Variants in DNER observed in about 807,000 individuals in gnomAD.
DNER encodes delta/notch like EGF repeat containing.
DNER carries 33 observed loss-of-function variants against 78.2 expected under a neutral mutation model. The observed-to-expected ratio is 0.42, with a 90% confidence interval of 0.32 to 0.56. The LOEUF is 0.56. Among genes scored for constraint, DNER ranks in the 20% least tolerant of loss-of-function variants. DNER has a pLI of 0.11. For missense variants in DNER, 918 were observed against 975.3 expected, an observed-to-expected ratio of 0.94 and a Z score of 0.78; for synonymous variants, 417 against 384.8, an observed-to-expected ratio of 1.08 and a Z score of -0.98.
intron 1 of DNER, among the ~76,000 whole-genome samples, chr2:229,628,764 C>G (rs1421556234): frequency 6.6e-6 from 1 of 152,084 alleles, no homozygotes. Flanking sequence ...GTCAACAGCT[C>G]GTAATCTTAC....
At chr2:229,696,530 T>A (rs1327344488) in intron 1 of DNER, among the ~76,000 whole-genome samples, 1 of 152,218 alleles carries the variant, frequency 6.6e-6, no homozygotes, top group African/African-American at 2.4e-5. Flanking sequence ...TAGGGCCACT[T>A]ATTCCCAGTG....
chr2:229,454,901 C>T (rs1260108743), intron 7 of DNER, among the ~76,000 whole-genome samples: 1 of 151,000 alleles, frequency 6.6e-6, no homozygotes, highest in Non-Finnish European at 1.5e-5. Context: ...ATATAAAATG[C>T]TCTTCTGTTA....
intron 7 of DNER, among the ~76,000 whole-genome samples, chr2:229,463,187 C>T (rs969510995): frequency 3.9e-5 from 6 of 152,052 alleles, no homozygotes; most frequent in Admixed American, 1.3e-4. Flanking sequence ...CCTTGGCATC[C>T]AGCACAGTGT....
At chr2:229,575,104 C>T (rs1277050216) in intron 4 of DNER, among the ~76,000 whole-genome samples, 1 of 151,958 alleles carries the variant, frequency 6.6e-6, no homozygotes, top group Non-Finnish European at 1.5e-5. Context: ...ATAAAAATAA[C>T]TTATTATGTA....
At chr2:229,447,623 T>A in intron 7 of DNER, 83 bp from the exon 8 acceptor site, 1 of 1,357,948 alleles carries the variant, frequency 7.4e-7, no homozygotes, top group Non-Finnish European at 1.0e-6. Context: ...CTCCACTGTA[T>A]ATGCATAACA....
intron 3 of DNER, chr2:229,586,890 G>A (rs1000852234): frequency 1.5e-5 from 15 of 985,420 alleles, no homozygotes; most frequent in Non-Finnish European, 7.2e-6. Context: ...CAGGGGCTCA[G>A]TAAAGCTTTG....
At chr2:229,617,960 C>T (rs559374670) in intron 1 of DNER, among the ~76,000 whole-genome samples, 2 of 152,170 alleles carry the variant, frequency 1.3e-5, no homozygotes, top group East Asian at 3.9e-4. Flanking sequence ...TGAACACTGT[C>T]TCAAAAAACA....
chr2:229,589,849 G>A (rs1697567955), intron 2 of DNER, among the ~76,000 whole-genome samples: 2 of 151,188 alleles, frequency 1.3e-5, no homozygotes, highest in African/African-American at 2.4e-5. Flanking sequence ...CAGTTTTTTA[G>A]GTAAGCTAAA....
chr2:229,690,436 G>A lies in DNER; in HGVS notation c.276+23712C>T, dbSNP rs1046900186. Among the ~76,000 whole-genome samples, 15 of 152,296 alleles carry A rather than the reference G, an allele frequency of 9.8e-5. No individual in the cohort carries two copies. In the South Asian group the frequency reaches 1.9e-3, roughly 19 times the overall value. On this transcript the variant is annotated intron_variant, in intron 1 of 12. Transcript: ENST00000341772. ...TTGAGCATGTTTTCCCGTCTAGTTAGTAACAACAGTGCACAGAGAAAACAT... is the reference window on the plus strand; with the variant it reads ...TTGAGCATGTTTTCCCGTCTAGTTAATAACAACAGTGCACAGAGAAAACAT...
At chr2:229,479,647 A>G (rs2154211396) in intron 6 of DNER, among the ~76,000 whole-genome samples, 1 of 149,012 alleles carries the variant, frequency 6.7e-6, no homozygotes, top group South Asian at 2.1e-4. Context: ...GAGGAGGTAG[A>G]GGTTACAGCG....
At chr2:229,552,025 G>A (rs1324519385) in intron 4 of DNER, among the ~76,000 whole-genome samples, 12 of 152,144 alleles carry the variant, frequency 7.9e-5, no homozygotes, top group Non-Finnish European at 1.5e-4. Context: ...TAATATAGAC[G>A]TGTGTGGAAT....
intron 6 of DNER, among the ~76,000 whole-genome samples, chr2:229,507,607 C>A (rs2154212158): frequency 6.6e-6 from 1 of 152,266 alleles, no homozygotes; most frequent in South Asian, 2.1e-4. Flanking sequence ...CAAATTCTGT[C>A]TGTAGCTTTG....
At chr2:229,436,505 C>G (rs951693138) in intron 8 of DNER, among the ~76,000 whole-genome samples, 2 of 151,988 alleles carry the variant, frequency 1.3e-5, no homozygotes, top group African/African-American at 4.8e-5. Flanking sequence ...TCAGATTCTC[C>G]GATGTCAAAA....
intron 1 of DNER, among the ~76,000 whole-genome samples, chr2:229,703,922 GA>G (rs3085663): frequency 0.68 from 97,933 of 143,520 alleles, 33,560 homozygotes; most frequent in East Asian, 0.87. Context: ...GAGAGAAAAA[GA>G]AAAAAAAAAA....
At chr2:229,520,113 C>T (rs946139464) in intron 5 of DNER, among the ~76,000 whole-genome samples, 2 of 152,154 alleles carry the variant, frequency 1.3e-5, no homozygotes, top group African/African-American at 4.8e-5. Flanking sequence ...GTTACTCAGA[C>T]ATAATAGATG....
At chr2:229,482,870 A>C (rs1695195501) in intron 6 of DNER, among the ~76,000 whole-genome samples, 1 of 152,202 alleles carries the variant, frequency 6.6e-6, no homozygotes, top group African/African-American at 2.4e-5. Context: ...AAGGGTATCA[A>C]AGCTTTAAAG....
intron 1 of DNER, among the ~76,000 whole-genome samples, chr2:229,652,738 G>A (rs1232830058): frequency 3.3e-5 from 5 of 152,192 alleles, no homozygotes; most frequent in African/African-American, 9.6e-5. Context: ...CGTATCTTGG[G>A]TGTTTTAGGT....
intron 1 of DNER, among the ~76,000 whole-genome samples, chr2:229,640,408 G>A (rs1698597053): frequency 6.6e-6 from 1 of 151,674 alleles, no homozygotes; most frequent in South Asian, 2.1e-4. Context: ...ATCATCAGAT[G>A]ATACAGGAGG....
At chr2:229,413,321 C>CTTGTTTT (rs1693567598) in intron 9 of DNER, among the ~76,000 whole-genome samples, 1 of 67,774 alleles carries the variant, frequency 1.5e-5, no homozygotes, top group African/African-American at 4.9e-5. Flanking sequence ...TTTTCTTCTT[C>CTTGTTTT]TTTTTTTTTT....
Sources: gnomAD v4.1 joint callset for allele counts (sites outside exome capture counted in the v4.1 genomes callset) on GRCh38, gnomAD v4.1.1 for gene constraint, MANE v1.5 for transcripts, NCBI Gene and HGNC (gene_info 2026-07-23, HGNC 2026-07-21) for gene names.